ANXA13: variants seen among roughly 807,000 people sequenced by gnomAD.
ANXA13 encodes annexin A13.
In ANXA13, 36 loss-of-function variants were observed where a neutral mutation model predicts 46.6. The ratio of observed to expected loss-of-function variants is 0.77; its 90% confidence interval spans 0.59 to 1.02. ANXA13 has a LOEUF of 1.02. ANXA13 is among the 50% of genes least tolerant of loss of function. ANXA13 has a pLI of 0.00. For synonymous variants in ANXA13, 163 were observed against 152.9 expected, an observed-to-expected ratio of 1.07 and a Z score of -0.49; for missense variants, 417 against 396.5, an observed-to-expected ratio of 1.05 and a Z score of -0.44.
intron 1 of ANXA13, among the ~76,000 whole-genome samples, chr8:123,733,324 C>A (rs1219348855): frequency 6.6e-6 from 1 of 152,128 alleles, no homozygotes; most frequent in Non-Finnish European, 1.5e-5. Flanking sequence ...CAGTTTAATG[C>A]ACACCCTTGG....
chr8:123,690,654 A>G lies in ANXA13; in HGVS notation c.643-1708T>C, dbSNP rs1813217228. On this transcript the variant is annotated intron_variant, in intron 8 of 10. Transcript: ENST00000419625. The surrounding 1 kb of genome is among the most constrained non-coding windows in gnomAD (Gnocchi z 4.6). ...TCTTTGTACAGAAGCAGATTTTCTG[A>G]TCTCAGTAGAAAAACACATTATAAG... is the stretch of plus-strand genomic sequence containing the variant. Among the ~76,000 whole-genome samples the G allele has an allele frequency of 6.6e-6, 1 of 152,240 alleles. No homozygotes were observed. The highest frequency in any genetic ancestry group is 6.5e-5 in the Admixed American group (1 of 15,286).
intron 1 of ANXA13, among the ~76,000 whole-genome samples, chr8:123,730,465 A>C (rs1395775732): frequency 6.6e-6 from 1 of 152,168 alleles, no homozygotes; most frequent in East Asian, 1.9e-4. Flanking sequence ...CTGAAGTTTA[A>C]AATCACTGCT....
chr8:123,730,893 C>T (rs1270571134), intron 1 of ANXA13, among the ~76,000 whole-genome samples: 1 of 152,084 alleles, frequency 6.6e-6, no homozygotes, highest in Non-Finnish European at 1.5e-5. Context: ...GGGGAGTTCT[C>T]CGGGCTGCAT....
At chr8:123,735,766 CCTCTGG>C in intron 1 of ANXA13, 1 of 1,611,210 alleles carries the variant, frequency 6.2e-7, no homozygotes. Context: ...GGCTGTGGGG[CCTCTGG>C]CTCTCCATTC....
chr8:123,700,450 T>C (rs1563610058), intron 3 of ANXA13, among the ~76,000 whole-genome samples: 2 of 152,240 alleles, frequency 1.3e-5, no homozygotes, highest in African/African-American at 4.8e-5. Context: ...GGGCTGAGAT[T>C]GGATCATACC....
At chr8:123,730,969 A>G (rs754851248) in intron 1 of ANXA13, among the ~76,000 whole-genome samples, 1 of 152,200 alleles carries the variant, frequency 6.6e-6, no homozygotes, top group Non-Finnish European at 1.5e-5. Context: ...TCATCTGGGC[A>G]TCTCTGTAGG....
chr8:123,725,205 A>G (rs1019073934), intron 1 of ANXA13, among the ~76,000 whole-genome samples: 7 of 152,246 alleles, frequency 4.6e-5, no homozygotes, highest in Non-Finnish European at 8.8e-5. Context: ...TTATATTAAA[A>G]AGTGCGTATT....
chr8:123,700,373 A>G (rs1389759985), intron 3 of ANXA13, among the ~76,000 whole-genome samples: 1 of 152,072 alleles, frequency 6.6e-6, no homozygotes, highest in Non-Finnish European at 1.5e-5. Context: ...GCTCAGCTCT[A>G]CTCCTGGTTT....
intron 9 of ANXA13, among the ~76,000 whole-genome samples, chr8:123,686,897 C>A (rs1236519744): frequency 6.6e-6 from 1 of 152,182 alleles, no homozygotes; most frequent in Non-Finnish European, 1.5e-5. Flanking sequence ...ATTTGTGTGG[C>A]TTATTCTCAA....
At chr8:123,699,716 G>T (rs1344403120) in intron 3 of ANXA13, among the ~76,000 whole-genome samples, 1 of 152,202 alleles carries the variant, frequency 6.6e-6, no homozygotes, top group Admixed American at 6.5e-5. Flanking sequence ...AGACAAGCTG[G>T]CATTTCAAGG....
intron 9 of ANXA13, among the ~76,000 whole-genome samples, chr8:123,687,148 C>G (rs935012821): frequency 6.6e-6 from 1 of 152,186 alleles, no homozygotes; most frequent in Non-Finnish European, 1.5e-5. Context: ...CAACCCAGCA[C>G]AAACCCTGGG....
intron 1 of ANXA13, among the ~76,000 whole-genome samples, chr8:123,714,965 T>C (rs1413612100): frequency 2.6e-5 from 4 of 152,244 alleles, no homozygotes; most frequent in Non-Finnish European, 5.9e-5. Flanking sequence ...CTAAAGCCTG[T>C]GCTCTGTGCA....
intron 8 of ANXA13, among the ~76,000 whole-genome samples, chr8:123,692,374 T>A (rs1295299612): frequency 6.6e-6 from 1 of 152,090 alleles, no homozygotes; most frequent in Non-Finnish European, 1.5e-5. Context: ...AACATAGAAG[T>A]GCTTTGAGCA....
At chr8:123,688,197 C>T (rs1813173604) in intron 9 of ANXA13, among the ~76,000 whole-genome samples, 1 of 152,128 alleles carries the variant, frequency 6.6e-6, no homozygotes, top group South Asian at 2.1e-4. Context: ...ATAATTCAAT[C>T]ATGGGAGTGG....
At chr8:123,700,357 G>A (rs1414367567) in intron 3 of ANXA13, among the ~76,000 whole-genome samples, 1 of 152,162 alleles carries the variant, frequency 6.6e-6, no homozygotes, top group Non-Finnish European at 1.5e-5. Context: ...TAGAAGGCTC[G>A]GGATAGCTCA....
chr8:123,710,722 T>C lies in ANXA13; in HGVS notation c.91+1956A>G, dbSNP rs188191135. On this transcript the variant is annotated intron_variant, in intron 2 of 10. Transcript: ENST00000419625. Reference sequence around the variant, plus strand: ...TTCAATCACAGTGTTCCCCACTTACTGGCTTGGTGACTTTGGCTGTCTTAC... The same window carrying C: ...TTCAATCACAGTGTTCCCCACTTACCGGCTTGGTGACTTTGGCTGTCTTAC... Among the ~76,000 whole-genome samples, 7 of 151,974 alleles carry C rather than the reference T, an allele frequency of 4.6e-5. No homozygotes were observed. In the East Asian group the frequency reaches 1.4e-3, roughly 29 times the overall value.
rs758476255 is a variant in ANXA13, at chr8:123,695,739, C to CA, written c.358-19dup. The CA allele has an allele frequency of 1.6e-5, 26 of 1,602,374 alleles. No individual in the cohort carries two copies. In the African/African-American group the frequency reaches 2.6e-4, roughly 16 times the overall value. ...ATGATTTCCTAGGGAAGGTAATTTA[C>CA]AAAAAAATCAATATTCCAAGGAGGG... On this transcript the variant is annotated intron_variant, in intron 4 of 10. Coordinates refer to ENST00000419625, the MANE Select transcript of ANXA13 (RefSeq NM_004306.4).
At chr8:123,691,625 C>T (rs768048048) in intron 8 of ANXA13, among the ~76,000 whole-genome samples, 2 of 152,160 alleles carry the variant, frequency 1.3e-5, no homozygotes, top group South Asian at 4.1e-4. Context: ...AGGCACAGAA[C>T]CCTTAATAAC....
chr8:123,725,464 G>T (rs900187913), intron 1 of ANXA13, among the ~76,000 whole-genome samples: 1 of 152,134 alleles, frequency 6.6e-6, no homozygotes, highest in African/African-American at 2.4e-5. Context: ...GCACTTTGAA[G>T]CCAGTTAGTA....
Sources: allele counts gnomAD v4.1 joint callset (sites outside exome capture counted in the v4.1 genomes callset), GRCh38; gene constraint gnomAD v4.1.1; non-coding constraint Gnocchi (gnomAD v3.1); transcripts MANE v1.5; gene names NCBI Gene and HGNC (gene_info 2026-07-23, HGNC 2026-07-21).